Variants in PIEZO2 observed in about 807,000 individuals in gnomAD.
PIEZO2 encodes piezo-type mechanosensitive ion channel component 2.
PIEZO2 carries 172 observed loss-of-function variants against 337.3 expected under a neutral mutation model. The ratio of observed to expected loss-of-function variants is 0.51; its 90% CI spans 0.45 to 0.58. The LOEUF (loss-of-function observed/expected upper bound fraction) is 0.58, where lower values mean the gene tolerates loss of function less well. Among genes scored for constraint, PIEZO2 ranks in the 20% least tolerant of loss-of-function variants. PIEZO2 has a pLI of 0.00. For synonymous variants in PIEZO2, 1,251 were observed against 1,228.5 expected (o/e 1.02, Z -0.38); for missense variants, 3,028 against 3,391.3 (o/e 0.89, Z 2.66).
At chr18:10,930,184 C>A (rs1380515685) in intron 3 of PIEZO2, among the ~76,000 whole-genome samples, 2 of 152,122 alleles carry the variant, frequency 1.3e-5, no homozygotes, top group Non-Finnish European at 2.9e-5. Flanking sequence ...AATTTACATT[C>A]TTTAGAAAAT....
intron 8 of PIEZO2, among the ~76,000 whole-genome samples, chr18:10,804,483 G>T (rs996112331): frequency 1.3e-5 from 2 of 152,232 alleles, no homozygotes; most frequent in Admixed American, 6.5e-5. Context: ...GTCTAGGAAA[G>T]GTGATAGAGA....
chr18:11,069,550 A>G lies in PIEZO2; in HGVS notation c.65-3328T>C, dbSNP rs2038266585. 6.6e-6 allele frequency among the ~76,000 whole-genome samples: 1 copy of G among 152,174 alleles called. No homozygotes were observed. Among genetic ancestry groups the G allele is most frequent in the South Asian group, 2.1e-4 (1 of 4,828 alleles). ...TTCAACACAATAAAGGCCATATGTA[A>G]CACACACACAGCTAATATCACACTC... On this transcript the variant is annotated intron_variant, in intron 1 of 55. Coordinates refer to ENST00000674853, the MANE Select transcript of PIEZO2 (RefSeq NM_001378183.1). The surrounding 1 kb of genome is among the most constrained non-coding windows in gnomAD (Gnocchi z 4.9).
chr18:11,139,009 A>G (rs1309678732), intron 1 of PIEZO2, among the ~76,000 whole-genome samples: 1 of 152,200 alleles, frequency 6.6e-6, no homozygotes, highest in African/African-American at 2.4e-5. Flanking sequence ...TCTCGATGAG[A>G]AGGAACTCAC....
intron 1 of PIEZO2, among the ~76,000 whole-genome samples, chr18:11,141,235 G>A (rs1027830476): frequency 1.3e-5 from 2 of 152,196 alleles, no homozygotes; most frequent in Non-Finnish European, 2.9e-5. Flanking sequence ...GAGCCTATTT[G>A]CCGCCAGTCA....
At chr18:11,039,224 G>T (rs563698704) in intron 2 of PIEZO2, among the ~76,000 whole-genome samples, 1 of 152,258 alleles carries the variant, frequency 6.6e-6, no homozygotes, top group South Asian at 2.1e-4. Flanking sequence ...ACAAGCGATT[G>T]GGTGACAGCA....
At chr18:11,067,605 T>C (rs542514963) in intron 1 of PIEZO2, among the ~76,000 whole-genome samples, 6 of 152,244 alleles carry the variant, frequency 3.9e-5, no homozygotes, top group African/African-American at 1.4e-4. Context: ...TTATATCAGA[T>C]AAAATAGACT....
Position 11,099,509 on chromosome 18 carries a change from C to G in PIEZO2, c.65-33287G>C, listed in dbSNP as rs908002129. ...TGAGACAGAGTCTCACTTTGTCGCC[C>G]AGGTTGGTATGCAATGGCATGATCT... On this transcript the variant is annotated intron_variant, in intron 1 of 55. Transcript: ENST00000674853. The surrounding 1 kb of genome is among the most constrained non-coding windows in gnomAD (Gnocchi z 5.4). Among the ~76,000 whole-genome samples, 2 of 152,146 alleles carry G rather than the reference C, an allele frequency of 1.3e-5. No individual in the cohort carries two copies. The highest frequency in any genetic ancestry group is 1.5e-5 in the Non-Finnish European group (1 of 68,024).
chr18:11,098,900 C>T (rs1238580037), intron 1 of PIEZO2, among the ~76,000 whole-genome samples: 3 of 152,010 alleles, frequency 2.0e-5, no homozygotes, highest in South Asian at 2.1e-4. Context: ...TAGGCTCAAG[C>T]GATCCTCCCA....
chr18:10,901,368 G>A (rs2043042010), intron 4 of PIEZO2, among the ~76,000 whole-genome samples: 1 of 151,990 alleles, frequency 6.6e-6, no homozygotes, highest in African/African-American at 2.4e-5. Context: ...GCCTGTGCAT[G>A]AGCTGTAACA....
In PIEZO2 at chr18:10,800,233, A is replaced by T. The variant is rs949975567; in HGVS notation, c.1378+104T>A. On this transcript the variant is annotated intron_variant, in intron 11 of 55. Coordinates refer to ENST00000674853, the MANE Select transcript of PIEZO2 (RefSeq NM_001378183.1). The stretch of plus-strand genomic sequence containing the variant: ...AGTGAGGTTAATGACACTGACATGG[A>T]TACAGTTTTTAAAAAAATAAAATAA... The T allele has an allele frequency of 9.8e-6, 14 of 1,421,874 alleles. No individual in the cohort carries two copies. In the African/African-American group the frequency reaches 1.9e-4, roughly 19 times the overall value. 88.1% of individuals were successfully genotyped at this position (1,421,874 alleles called of 1,614,324 possible).
At position 10,783,851 on chromosome 18, in the gene PIEZO2, T is replaced by G. The variant is rs766762172; in HGVS notation, c.2492+933A>C. 2.2e-4 allele frequency among the ~76,000 whole-genome samples: 33 copies of G among 152,230 alleles called. No homozygotes were observed. The highest frequency in any genetic ancestry group is 1.0e-4 in the Non-Finnish European group (7 of 68,032). On this transcript the variant is annotated intron_variant, in intron 17 of 55. Coordinates refer to ENST00000674853, the MANE Select transcript of PIEZO2 (RefSeq NM_001378183.1). This position sits in a 1 kb window ranked among gnomAD's most constrained non-coding sequence, Gnocchi z 4.3. ...GTTTTGGGTCTATCCATAACTCTAG[T>G]TCCTACACAGCAGAACGCTGGAAGT...
chr18:11,045,380 C>CA (rs2037274341), intron 2 of PIEZO2, among the ~76,000 whole-genome samples: 1 of 148,708 alleles, frequency 6.7e-6, no homozygotes, highest in Non-Finnish European at 1.5e-5. Context: ...TGGCCAACAG[C>CA]AAAATTATTC....
In PIEZO2 at chr18:10,899,439, T is replaced by C. The variant is rs2042987359; in HGVS notation, c.329+11747A>G. On this transcript the variant is annotated intron_variant, in intron 4 of 55. Coordinates refer to ENST00000674853, the MANE Select transcript of PIEZO2 (RefSeq NM_001378183.1). This position sits in a 1 kb window ranked among gnomAD's most constrained non-coding sequence, Gnocchi z 4.6. ...AATCCACCTAATAAAAGCTGTCATT[T>C]TAATTGAGCAGTAATGTCTTTGTCT... Among the ~76,000 whole-genome samples the C allele has an allele frequency of 6.6e-6, 1 of 152,224 alleles. No individual in the cohort carries two copies. Among genetic ancestry groups the C allele is most frequent in the South Asian group, 2.1e-4 (1 of 4,828 alleles).
intron 1 of PIEZO2, among the ~76,000 whole-genome samples, chr18:11,073,270 C>T (rs1249643683): frequency 2.0e-5 from 3 of 152,276 alleles, no homozygotes; most frequent in South Asian, 2.1e-4. Context: ...TGTGCAATCA[C>T]CTCTTCTTGA....
intron 14 of PIEZO2, 21 bp from the exon 15 acceptor site, chr18:10,789,386 T>A: frequency 6.6e-7 from 1 of 1,525,988 alleles, no homozygotes; most frequent in Non-Finnish European, 8.8e-7. Context: ...AAAACTGTGC[T>A]GTTATACTTA....
chr18:10,752,941 G>GA, intron 27 of PIEZO2, 62 bp from the exon 28 acceptor site: 1 of 1,490,956 alleles, frequency 6.7e-7, no homozygotes, highest in Non-Finnish European at 8.9e-7. Context: ...GCAAAATCAG[G>GA]AAAGTCTTTA....
In PIEZO2 at chr18:10,774,010, T is replaced by G; in HGVS notation, c.2563A>C (p.Asn855His). ...SIKKKLPIHQNELAHPEGSLP... is the reference protein window; with the variant it reads ...SIKKKLPIHQHELAHPEGSLP... ...TGGCTTCACAGGGGGACTTACTCAT[T>G]TTGGTGGATTGGTAATTTTTTCTTG... is the stretch of plus-strand genomic sequence containing the variant. Residue 855 changes from asparagine to histidine, a missense_variant, in exon 19 of 56, where the codon AAT (asparagine) becomes CAT (histidine). Asn to His is a moderately conservative substitution (Grantham distance 68). Coordinates refer to ENST00000674853, the MANE Select transcript of PIEZO2 (RefSeq NM_001378183.1). 1 of 703,002 alleles carries G rather than the reference T, an allele frequency of 1.4e-6. No homozygotes were observed. The highest frequency in any genetic ancestry group is 2.6e-6 in the Non-Finnish European group (1 of 385,006). The allele number at this position is 703,002 out of a possible 1,614,324, so 43.5% of individuals were successfully genotyped here. A position where few individuals can be genotyped will look rare whatever the true frequency, so the allele number is the denominator to read the frequency against.
At chr18:10,793,343 C>A (rs1341797393) in intron 13 of PIEZO2, among the ~76,000 whole-genome samples, 18 of 152,216 alleles carry the variant, frequency 1.2e-4, no homozygotes, top group African/African-American at 4.3e-4. Flanking sequence ...TATGACAAAA[C>A]CTTGCACTTT....
chr18:11,087,891 A>T (rs182812942), intron 1 of PIEZO2, among the ~76,000 whole-genome samples: 11 of 152,362 alleles, frequency 7.2e-5, no homozygotes, highest in South Asian at 2.1e-4. Flanking sequence ...AACTTCAGGC[A>T]CAACAGCCTG....
Sources: allele counts gnomAD v4.1 joint callset (sites outside exome capture counted in the v4.1 genomes callset), GRCh38; gene constraint gnomAD v4.1.1; non-coding constraint Gnocchi (gnomAD v3.1); transcripts MANE v1.5; gene names NCBI Gene and HGNC (gene_info 2026-07-23, HGNC 2026-07-21).